Variants in UVRAG observed in about 807,000 individuals in gnomAD.
UVRAG encodes the protein UV radiation resistance-associated gene protein.
In UVRAG, 19 loss-of-function variants were observed where a neutral mutation model predicts 78.0. The ratio of observed to expected loss-of-function variants is 0.24; its 90% CI spans 0.17 to 0.36. The LOEUF (loss-of-function observed/expected upper bound fraction) is 0.36. Among genes scored for constraint, UVRAG ranks in the 10% least tolerant of loss-of-function variants. UVRAG has a pLI of 1.00. For synonymous variants in UVRAG, 323 were observed against 324.6 expected (o/e 1.00, Z 0.05); for missense variants, 740 against 853.8 (o/e 0.87, Z 1.66).
intron 2 of UVRAG, among the ~76,000 whole-genome samples, chr11:75,855,560 G>GTA (rs1946269618): frequency 6.6e-6 from 1 of 152,188 alleles, no homozygotes; most frequent in African/African-American, 2.4e-5. Context: ...TAGTGCTGTC[G>GTA]TATCTTGTTG....
intron 5 of UVRAG, chr11:75,892,294 T>G: frequency 1.0e-6 from 1 of 983,050 alleles, no homozygotes; most frequent in Non-Finnish European, 1.2e-6. Context: ...GAGGAGTGAG[T>G]GGAGGACACA....
At chr11:75,842,966 A>G (rs1357914390) in intron 1 of UVRAG, among the ~76,000 whole-genome samples, 2 of 152,216 alleles carry the variant, frequency 1.3e-5, no homozygotes, top group East Asian at 1.9e-4. Context: ...GAACCATACT[A>G]CTTTTGTTTT....
chr11:75,902,590 C>T (rs1273437473), intron 5 of UVRAG, among the ~76,000 whole-genome samples: 1 of 152,122 alleles, frequency 6.6e-6, no homozygotes, highest in Non-Finnish European at 1.5e-5. Context: ...TTTTTCTCTC[C>T]AAGGTTGCTT....
chr11:75,945,173 A>C (rs1306542438), intron 6 of UVRAG, among the ~76,000 whole-genome samples: 3 of 152,132 alleles, frequency 2.0e-5, no homozygotes, highest in Non-Finnish European at 4.4e-5. Context: ...GAAATCTTAA[A>C]ATAATCATTT....
chr11:76,072,487 T>A (rs182152223), intron 13 of UVRAG, among the ~76,000 whole-genome samples: 2 of 152,298 alleles, frequency 1.3e-5, no homozygotes, highest in Non-Finnish European at 2.9e-5. Flanking sequence ...TTGCCACTTA[T>A]CCCAAATTGC....
At chr11:76,041,586 A>C (rs1038526858) in intron 12 of UVRAG, among the ~76,000 whole-genome samples, 4 of 152,220 alleles carry the variant, frequency 2.6e-5, no homozygotes, top group African/African-American at 9.6e-5. Context: ...CCACCATGCC[A>C]GTGTAGTGGC....
intron 13 of UVRAG, among the ~76,000 whole-genome samples, chr11:76,080,868 A>G (rs1247209980): frequency 3.9e-5 from 6 of 152,260 alleles, no homozygotes; most frequent in Non-Finnish European, 8.8e-5. Flanking sequence ...GAACAAGTAC[A>G]GACAGACATG....
At chr11:76,036,505 G>A (rs746346589) in intron 12 of UVRAG, among the ~76,000 whole-genome samples, 46 of 151,966 alleles carry the variant, frequency 3.0e-4, no homozygotes, top group Admixed American at 1.8e-3. Flanking sequence ...GCCACTACCC[G>A]ACTTCAACTT....
intron 8 of UVRAG, among the ~76,000 whole-genome samples, chr11:75,994,834 G>GT (rs1333058517): frequency 6.6e-6 from 1 of 152,186 alleles, no homozygotes; most frequent in African/African-American, 2.4e-5. Flanking sequence ...CCTGTGAGGT[G>GT]TTAGCTAGAG....
chr11:75,919,231 T>TA (rs1308793931), intron 6 of UVRAG, among the ~76,000 whole-genome samples: 1 of 152,170 alleles, frequency 6.6e-6, no homozygotes, highest in African/African-American at 2.4e-5. Flanking sequence ...AGAGATTTTT[T>TA]TTTTTCCTCC....
chr11:75,977,470 G>T (rs1305292727), intron 7 of UVRAG, among the ~76,000 whole-genome samples: 1 of 152,148 alleles, frequency 6.6e-6, no homozygotes, highest in African/African-American at 2.4e-5. Context: ...TGACAGTGGG[G>T]TGTTAAAGTC....
chr11:75,852,147 G>GA, intron 2 of UVRAG, 147 bp downstream of exon 2: 2 of 562,714 alleles, frequency 3.6e-6, no homozygotes, highest in Non-Finnish European at 6.2e-6. Context: ...GAGCAGTTGG[G>GA]ATGTATACTA....
chr11:75,913,375 G>A (rs1364359857), intron 6 of UVRAG, among the ~76,000 whole-genome samples: 3 of 152,188 alleles, frequency 2.0e-5, no homozygotes, highest in Admixed American at 1.3e-4. Context: ...TGATAATGTA[G>A]GAGAGCAGGA....
At chr11:75,929,954 C>T (rs1358128118) in intron 6 of UVRAG, among the ~76,000 whole-genome samples, 1 of 152,158 alleles carries the variant, frequency 6.6e-6, no homozygotes, top group Non-Finnish European at 1.5e-5. Context: ...CGTTCCTGTA[C>T]CCATATTGCA....
At position 75,984,742 on chromosome 11, in the gene UVRAG, A is replaced by G. The variant is rs1281464888; in HGVS notation, c.826+1229A>G. 3.3e-5 allele frequency among the ~76,000 whole-genome samples: 5 copies of G among 152,206 alleles called. No individual in the cohort carries two copies. The South Asian group carries it at 6.2e-4, about 19-fold the overall frequency. ...TTTTGAACTTTATAGAAATAGAATC[A>G]TATATGTACATGTGGTGGCTCTTTT... On this transcript the variant is annotated intron_variant, in intron 8 of 14. Transcript: ENST00000356136.
chr11:75,897,755 C>T (rs1399930959), intron 5 of UVRAG, among the ~76,000 whole-genome samples: 2 of 151,854 alleles, frequency 1.3e-5, no homozygotes, highest in African/African-American at 4.8e-5. Context: ...AACTCCTGAC[C>T]TCAAGTGATC....
intron 1 of UVRAG, among the ~76,000 whole-genome samples, chr11:75,823,577 C>A (rs999710615): frequency 8.5e-5 from 13 of 152,206 alleles, no homozygotes; most frequent in African/African-American, 7.2e-5. Flanking sequence ...TCGAGCAATC[C>A]TCCCGCCTTG....
At chr11:76,080,000 A>T (rs2134407883) in intron 13 of UVRAG, among the ~76,000 whole-genome samples, 1 of 152,282 alleles carries the variant, frequency 6.6e-6, no homozygotes, top group Non-Finnish European at 1.5e-5. Context: ...TGGCACCAAC[A>T]TCAAGCAAGC....
intron 6 of UVRAG, chr11:75,934,889 G>A (rs986659107): frequency 3.9e-5 from 6 of 152,168 alleles, no homozygotes; most frequent in Admixed American, 3.9e-4. Context: ...CACATTGAAA[G>A]CCCTAAGAAA....
Sources: gnomAD v4.1 joint callset for allele counts (sites outside exome capture counted in the v4.1 genomes callset) on GRCh38, gnomAD v4.1.1 for gene constraint, MANE v1.5 for transcripts, NCBI Gene and HGNC (gene_info 2026-07-23, HGNC 2026-07-21) for gene names.